Variants in SLC24A3 observed in about 807,000 individuals in gnomAD.
SLC24A3 encodes solute carrier family 24 member 3, also known as sodium/potassium/calcium exchanger 3.
Under a neutral mutation model 75.8 loss-of-function variants are expected in SLC24A3, and 28 were observed. The observed-to-expected ratio is 0.37, with a 90% CI of 0.27 to 0.51. SLC24A3 has a LOEUF of 0.51. Among genes scored for constraint, SLC24A3 ranks in the 20% least tolerant of loss-of-function variants. The pLI is 0.94. For synonymous variants in SLC24A3, 372 were observed against 334.1 expected, an observed-to-expected ratio of 1.11 and a Z score of -1.24; for missense variants, 663 against 847.8, an observed-to-expected ratio of 0.78 and a Z score of 2.71.
chr20:19,354,929 G>A (rs986803844), intron 2 of SLC24A3, among the ~76,000 whole-genome samples: 1 of 152,052 alleles, frequency 6.6e-6, no homozygotes, highest in Non-Finnish European at 1.5e-5. Flanking sequence ...CCTTTGGGCA[G>A]CAGCAAGGTA....
At chr20:19,404,085 G>A (rs1986600232) in intron 2 of SLC24A3, among the ~76,000 whole-genome samples, 1 of 152,178 alleles carries the variant, frequency 6.6e-6, no homozygotes, top group Non-Finnish European at 1.5e-5. Flanking sequence ...CACTGCCAAA[G>A]GATATTTCTG....
chr20:19,710,580 T>G (rs897089481), intron 15 of SLC24A3, among the ~76,000 whole-genome samples: 4 of 152,190 alleles, frequency 2.6e-5, no homozygotes, highest in Non-Finnish European at 5.9e-5. Context: ...AGCATTGCCT[T>G]GAAGATTTTC....
In SLC24A3 at chr20:19,327,166, A is replaced by G. The variant is rs980873495; in HGVS notation, c.271+46079A>G. On this transcript the variant is annotated intron_variant, in intron 2 of 16. Transcript: ENST00000328041. ...ATTTCTAAAGCTCTTTTCTCTGGTG[A>G]TTACTGGAGAGGTAGATTACTGGAA... is the stretch of plus-strand genomic sequence containing the variant. Among the ~76,000 whole-genome samples the G allele has an allele frequency of 2.0e-5, 3 of 152,226 alleles. No homozygotes were observed. In the South Asian group the frequency reaches 6.2e-4, roughly 32 times the overall value.
intron 1 of SLC24A3, among the ~76,000 whole-genome samples, chr20:19,279,321 T>C (rs1292214616): frequency 6.6e-6 from 1 of 152,180 alleles, no homozygotes; most frequent in African/African-American, 2.4e-5. Context: ...ACTTTGGACA[T>C]TCAAGAGGCA....
At chr20:19,566,849 T>G (rs1023850308) in intron 3 of SLC24A3, among the ~76,000 whole-genome samples, 3 of 152,166 alleles carry the variant, frequency 2.0e-5, no homozygotes, top group African/African-American at 7.2e-5. Flanking sequence ...GGGATTTCAC[T>G]TTTTCAAAAA....
intron 6 of SLC24A3, among the ~76,000 whole-genome samples, chr20:19,635,765 G>A (rs1036781840): frequency 2.0e-5 from 3 of 152,148 alleles, no homozygotes; most frequent in African/African-American, 7.2e-5. Flanking sequence ...TGTGGCTTGG[G>A]CCTCCTTACA....
At chr20:19,493,146 G>A (rs972601697) in intron 2 of SLC24A3, among the ~76,000 whole-genome samples, 7 of 152,222 alleles carry the variant, frequency 4.6e-5, no homozygotes, top group African/African-American at 1.7e-4. Flanking sequence ...AGCCGACCAG[G>A]TGACCAGCTG....
In SLC24A3 at chr20:19,311,691, C is replaced by T. The variant is rs142717408; in HGVS notation, c.271+30604C>T. Among the ~76,000 whole-genome samples, 10 of 152,156 alleles carry T rather than the reference C, an allele frequency of 6.6e-5. 1 individual carries two copies. The highest frequency in any genetic ancestry group is 6.5e-4 in the Admixed American group (10 of 15,290). On this transcript the variant is annotated intron_variant, in intron 2 of 16. Transcript: ENST00000328041. ...GATTTCACCAGGGAGGATGATGGTA[C>T]TCATTTGAGGAGGTGGAAGCCATGA...
intron 1 of SLC24A3, among the ~76,000 whole-genome samples, chr20:19,226,277 C>T (rs1254492542): frequency 6.6e-6 from 1 of 152,140 alleles, no homozygotes; most frequent in Non-Finnish European, 1.5e-5. Flanking sequence ...CCCACTTGAT[C>T]ATGGTGTGTT....
At chr20:19,714,897 G>A (rs1255809296) in intron 15 of SLC24A3, among the ~76,000 whole-genome samples, 21 of 152,214 alleles carry the variant, frequency 1.4e-4, no homozygotes. Flanking sequence ...ACTGGCTCTT[G>A]GTTTCTTAAG....
chr20:19,546,494 C>T (rs1393587080), intron 3 of SLC24A3, among the ~76,000 whole-genome samples: 2 of 152,208 alleles, frequency 1.3e-5, no homozygotes, highest in Admixed American at 6.5e-5. Flanking sequence ...AGGACCGGAG[C>T]CCTGCTCCCT....
intron 9 of SLC24A3, among the ~76,000 whole-genome samples, chr20:19,678,662 C>CTCCT (rs2032564850): frequency 2.3e-5 from 3 of 130,724 alleles, no homozygotes; most frequent in African/African-American, 1.0e-4. Flanking sequence ...ACCTCCCTCC[C>CTCCT]GGACACGGCG....
chr20:19,376,128 G>C lies in SLC24A3; in HGVS notation c.271+95041G>C, dbSNP rs1357292148. 2.6e-5 allele frequency among the ~76,000 whole-genome samples: 4 copies of C among 152,240 alleles called. No individual in the cohort carries two copies. In the South Asian group the frequency reaches 8.3e-4, roughly 32 times the overall value. Reference sequence around the variant, plus strand: ...TTGTGTGTGGGGGTACACACTGAAAGAAAATAAATAAGGATGAAGGAAAGA... The same window carrying C: ...TTGTGTGTGGGGGTACACACTGAAACAAAATAAATAAGGATGAAGGAAAGA... On this transcript the variant is annotated intron_variant, in intron 2 of 16. Coordinates refer to ENST00000328041, the MANE Select transcript of SLC24A3 (RefSeq NM_020689.4).
chr20:19,626,648 G>A (rs1953606004), intron 6 of SLC24A3, among the ~76,000 whole-genome samples: 2 of 152,144 alleles, frequency 1.3e-5, no homozygotes. Flanking sequence ...TAATGCTGGT[G>A]CTCTGTTTCT....
At position 19,702,636 on chromosome 20, in the gene SLC24A3, A is replaced by G. The variant is rs1025057798; in HGVS notation, c.1719+3956A>G. The stretch of plus-strand genomic sequence containing the variant: ...TGTAATAAGTGCAAAAAAAAAAAAA[A>G]TCATTTTATGCTGGGGATACAAACA... On this transcript the variant is annotated intron_variant, in intron 15 of 16. Coordinates refer to ENST00000328041, the MANE Select transcript of SLC24A3 (RefSeq NM_020689.4). 1.5e-3 allele frequency among the ~76,000 whole-genome samples: 208 copies of G among 139,594 alleles called. 1 individual carries two copies. The highest frequency in any genetic ancestry group is 2.9e-3 in the Non-Finnish European group (184 of 63,638). 91.6% of individuals were successfully genotyped at this position (139,594 alleles called of 152,430 possible).
intron 9 of SLC24A3, among the ~76,000 whole-genome samples, chr20:19,675,915 C>T (rs1351575579): frequency 1.3e-5 from 2 of 152,176 alleles, no homozygotes; most frequent in African/African-American, 4.8e-5. Context: ...ACTCACACAT[C>T]TTCCTTTGCT....
At chr20:19,568,847 C>T (rs1272757586) in intron 3 of SLC24A3, among the ~76,000 whole-genome samples, 1 of 152,058 alleles carries the variant, frequency 6.6e-6, no homozygotes, top group Non-Finnish European at 1.5e-5. Context: ...TATGTTGATA[C>T]ATCCAATATA....
rs1207498030 is a variant in SLC24A3 at position 19,693,342 on chromosome 20, C to A, written c.1408C>A (p.Pro470Thr). 1.2e-6 allele frequency: 2 copies of A among 1,614,032 alleles called. No homozygotes were observed. Among genetic ancestry groups the A allele is most frequent in the African/African-American group, 1.3e-5 (1 of 74,914 alleles). The change falls in exon 13 of 17, where the codon CCG becomes ACG. Residue 470 changes from proline to threonine, a missense_variant. Pro to Thr is a conservative substitution (Grantham distance 38). This residue lies in a region of SLC24A3 where 510 missense variants were observed against 703.6 expected (regional missense o/e 0.72). Transcript: ENST00000328041. ...CTTCACTGTACCCAACTGCAACAAG[C>A]CGCGCTGGGAGAAATGGTTCATGGT... is the stretch of plus-strand genomic sequence containing the variant. ...LYFTVPNCNK[P>T]RWEKWFMVTF...
intron 2 of SLC24A3, among the ~76,000 whole-genome samples, chr20:19,446,385 C>G (rs917396569): frequency 2.6e-5 from 4 of 152,176 alleles, no homozygotes; most frequent in Non-Finnish European, 5.9e-5. Context: ...CATTTCCTAA[C>G]AGTAAGGAAA....
Sources: gnomAD v4.1 joint callset for allele counts (sites outside exome capture counted in the v4.1 genomes callset) on GRCh38, gnomAD v4.1.1 for gene constraint, gnomAD v4.1.1 regional missense constraint, MANE v1.5 for transcripts, NCBI Gene and HGNC (gene_info 2026-07-23, HGNC 2026-07-21) for gene names.